Variants in GEMIN4 observed in about 807,000 individuals in gnomAD.
GEMIN4 encodes gem-associated protein 4.
A neutral mutation model predicts 76.8 loss-of-function variants in GEMIN4; 59 were observed. That is an observed-to-expected ratio of 0.77 (90% CI 0.62 to 0.95). GEMIN4 has a LOEUF of 0.95. Ranked by LOEUF, GEMIN4 falls within the 40% of genes least tolerant of loss-of-function variation. The pLI is 0.00. For missense variants in GEMIN4, 1,311 were observed against 1,318.9 expected (o/e 0.99, Z 0.09); for synonymous variants, 562 against 559.7 (o/e 1.00, Z -0.06).
rs1362766314 is a variant in GEMIN4, at chr17:746,262, T to C, written c.1781A>G (p.Gln594Arg). 1.6e-5 allele frequency: 26 copies of C among 1,613,768 alleles called. No individual in the cohort carries two copies. The highest frequency in any genetic ancestry group is 2.2e-5 in the East Asian group (1 of 44,876). The change falls in exon 2 of 2, where the codon CAG becomes CGG. Residue 594 changes from glutamine to arginine, a missense_variant. Physicochemically the swap from Gln to Arg is conservative, Grantham distance 43. Around this residue, in one of 2 missense-constraint regions of GEMIN4, gnomAD observed 1,208 missense variants for 1,166.9 expected, o/e 1.04. Transcript: ENST00000319004. This position sits in a 1 kb window ranked among gnomAD's most constrained non-coding sequence, Gnocchi z 4.3. ...AFPALRFVEE[Q>R]GPNSSATFMV... is the part of the protein sequence containing the mutation. ...GAAAGTGGCAGATGAATTGGGACCCTGCTCTTCCACAAACCTAAGGGCAGG... is the reference window on the plus strand; with the variant it reads ...GAAAGTGGCAGATGAATTGGGACCCCGCTCTTCCACAAACCTAAGGGCAGG...
rs373006908 is a variant in GEMIN4 at position 746,541 on chromosome 17, C to A, written c.1502G>T (p.Gly501Val). ...SLPGKNKVLAGILRSWGRKGL... is the reference protein window; with the variant it reads ...SLPGKNKVLAVILRSWGRKGL... ...CTTTCGCCCCCAGGAACGCAGGATA[C>A]CTGCAAGGACTTTATTTTTACCTGG... Residue 501 changes from glycine to valine, a missense_variant, in exon 2 of 2, where the codon GGT (glycine) becomes GTT (valine). Coordinates refer to ENST00000319004, the MANE Select transcript of GEMIN4 (RefSeq NM_015721.3). This position sits in a 1 kb window ranked among gnomAD's most constrained non-coding sequence, Gnocchi z 4.3. 45 of 1,613,754 alleles carry A rather than the reference C, an allele frequency of 2.8e-5. No individual in the cohort carries two copies. The highest frequency in any genetic ancestry group is 3.7e-5 in the Non-Finnish European group (44 of 1,179,898).
At position 744,743 on chromosome 17, in the gene GEMIN4, C is replaced by T; in HGVS notation, c.*123G>A. On this transcript the variant is annotated 3_prime_UTR_variant, in exon 2 of 2. Transcript: ENST00000319004. The stretch of plus-strand genomic sequence containing the variant: ...GTTTCACATAACTGTAAAGTCCAGG[C>T]TGCTCGGGTCTGACCCCTACAGACC... 1.0e-6 allele frequency: 1 copy of T among 982,240 alleles called. No homozygotes were observed. The highest frequency in any genetic ancestry group is 1.5e-6 in the Non-Finnish European group (1 of 686,136). The allele number at this position is 982,240 out of a possible 1,614,324, so 60.8% of individuals were successfully genotyped here. A position where few individuals can be genotyped will look rare whatever the true frequency, so the allele number is the denominator to read the frequency against.
Position 745,579 on chromosome 17 carries a change from A to G in GEMIN4, c.2464T>C (p.Cys822Arg), listed in dbSNP as rs772077393. The change falls in exon 2 of 2, where the codon TGC (cysteine) becomes CGC (arginine). Residue 822 changes from cysteine (C) to arginine (R), a missense_variant. Cys to Arg is a radical substitution (Grantham distance 180, BLOSUM62 -3). Around this residue, in one of 2 missense-constraint regions of GEMIN4, gnomAD observed 1,208 missense variants for 1,166.9 expected, o/e 1.04. Transcript: ENST00000319004. The surrounding 1 kb of genome is among the most constrained non-coding windows in gnomAD (Gnocchi z 4.6). ...TCCGAGATGCCGCTGGAGACGCAGC[A>G]GCACTCCATCCAGGCCAGGAGCCCC... is the stretch of plus-strand genomic sequence containing the variant. ...GTGLLAWMEC[C>R]CVSSGISERM... 4.3e-6 allele frequency: 7 copies of G among 1,611,832 alleles called. No individual in the cohort carries two copies. Among genetic ancestry groups the G allele is most frequent in the Non-Finnish European group, 5.9e-6 (7 of 1,179,464 alleles).
At chr17:748,947 CGGCCACAGGATAAT>C in intron 1 of GEMIN4, 1 of 167,384 alleles carries the variant, frequency 6.0e-6, no homozygotes, top group African/African-American at 2.8e-5. Context: ...AGCAATCACA[CGGCCACAGGATAAT>C]GGGCACAGAG....
intron 1 of GEMIN4, among the ~76,000 whole-genome samples, chr17:751,005 G>A (rs753717924): frequency 1.3e-5 from 2 of 152,184 alleles, no homozygotes; most frequent in Non-Finnish European, 2.9e-5. Context: ...GCAGATGTTT[G>A]GCCCTAAACA....
In GEMIN4 at chr17:745,031, T is replaced by C; in HGVS notation, c.3012A>G (p.Leu1004=). Residue 1004 remains leucine (L), a synonymous_variant, in exon 2 of 2, where the codon TTA becomes TTG. Coordinates refer to ENST00000319004, the MANE Select transcript of GEMIN4 (RefSeq NM_015721.3). The surrounding 1 kb of genome is among the most constrained non-coding windows in gnomAD (Gnocchi z 4.6). The stretch of plus-strand genomic sequence containing the variant: ...CATAGCAGGTGAGGGTTTCCAAGGC[T>C]AAAACGTAGAGTGGCTCACAGACCT... ...HPEVCEPLYV[L]ALETLTCYET... is the part of the protein sequence containing the mutation. The C allele has an allele frequency of 1.9e-6, 3 of 1,613,878 alleles. No individual in the cohort carries two copies. In the South Asian group the frequency reaches 3.3e-5, roughly 18 times the overall value.
chr17:745,479 AC>A lies in GEMIN4; in HGVS notation c.2563del (p.Val855TrpfsTer21), dbSNP rs1306506359. On this transcript the variant is annotated frameshift_variant, in exon 2 of 2. Coordinates refer to ENST00000319004, the MANE Select transcript of GEMIN4 (RefSeq NM_015721.3). LOFTEE classifies it high-confidence loss of function. The surrounding 1 kb of genome is among the most constrained non-coding windows in gnomAD (Gnocchi z 4.6). ...EVRLFSKGFLVALVQVMPWCS... is the reference protein window; with the variant it reads ...EVRLFSKGFLXALVQVMPWCS... ...CCAAGGCATGACTTGCACCAGGGCC[AC>A]CAGAAAGCCTTTGCTGAACAGTCTG... 1 of 1,612,038 alleles carries A rather than the reference AC, an allele frequency of 6.2e-7. No homozygotes were observed. The highest frequency in any genetic ancestry group is 1.7e-5 in the Admixed American group (1 of 60,002).
rs373114050 is a variant in GEMIN4, at chr17:747,450, T to C, written c.593A>G (p.His198Arg). The C allele has an allele frequency of 3.7e-6, 6 of 1,613,370 alleles. No homozygotes were observed. The African/African-American group carries it at 5.3e-5, about 14-fold the overall frequency. Residue 198 changes from histidine (H) to arginine (R), a missense_variant, in exon 2 of 2, where the codon CAT becomes CGT. By Grantham distance (29) the His-to-Arg change is conservative. Coordinates refer to ENST00000319004, the MANE Select transcript of GEMIN4 (RefSeq NM_015721.3). ...GTCTGACCTAAGCCTCTTTGGAGGATGGGGGAACTCATCTAAGGCAGGCAG... is the reference window on the plus strand; with the variant it reads ...GTCTGACCTAAGCCTCTTTGGAGGACGGGGGAACTCATCTAAGGCAGGCAG... ...KYLPALDEFP[H>R]PPKRLRSDPD...
chr17:751,295 C>A (rs1380496489), intron 1 of GEMIN4, among the ~76,000 whole-genome samples: 2 of 152,196 alleles, frequency 1.3e-5, no homozygotes, highest in Non-Finnish European at 2.9e-5. Context: ...GGTGTCCCAG[C>A]CTGAATGTGG....
chr17:750,812 T>A (rs1472886003), intron 1 of GEMIN4, among the ~76,000 whole-genome samples: 1 of 152,186 alleles, frequency 6.6e-6, no homozygotes, highest in Non-Finnish European at 1.5e-5. Flanking sequence ...AACCCACTTG[T>A]GGAGGCAATC....
In GEMIN4 at chr17:746,027, C is replaced by T. The variant is rs1262276254; in HGVS notation, c.2016G>A (p.Arg672=). ...TTGCCTCTAGAGTCTGGATGAAGAT[C>T]CTCAGACTGAGGTCTACCTCTTCAA... The part of the protein sequence containing the change: ...LDVEEVDLSL[R]IFIQTLEANA... Residue 672 remains arginine, a synonymous_variant, in exon 2 of 2, where the codon AGG becomes AGA. Transcript: ENST00000319004. This position sits in a 1 kb window ranked among gnomAD's most constrained non-coding sequence, Gnocchi z 4.3. The T allele has an allele frequency of 6.2e-7, 1 of 1,613,790 alleles. No individual in the cohort carries two copies. Among genetic ancestry groups the T allele is most frequent in the Non-Finnish European group, 8.5e-7 (1 of 1,179,862 alleles).
chr17:752,371 A>G (rs2251564), upstream of GEMIN4: 51,651 of 1,002,184 alleles, frequency 0.052, 1,892 homozygotes, highest in African/African-American at 0.16. Context: ...CCCTCCCACC[A>G]GCCCTCAGGT....
At position 746,513 on chromosome 17, in the gene GEMIN4, G is replaced by A; in HGVS notation, c.1530C>T (p.Gly510=). 2 of 1,613,948 alleles carry A rather than the reference G, an allele frequency of 1.2e-6. No homozygotes were observed. The highest frequency in any genetic ancestry group is 1.7e-6 in the Non-Finnish European group (2 of 1,179,896). ...AGILRSWGRK[G]LSEKLLAYVE... is the part of the protein sequence containing the mutation. Reference sequence around the variant, plus strand: ...CATAAGCCAGCAACTTTTCAGAGAGGCCCTTTCGCCCCCAGGAACGCAGGA... The same window carrying A: ...CATAAGCCAGCAACTTTTCAGAGAGACCCTTTCGCCCCCAGGAACGCAGGA... Residue 510 remains glycine, a synonymous_variant, in exon 2 of 2, where the codon GGC becomes GGT. Transcript: ENST00000319004. The surrounding 1 kb of genome is among the most constrained non-coding windows in gnomAD (Gnocchi z 4.3).
In GEMIN4 at chr17:747,225, A is replaced by T; in HGVS notation, c.818T>A (p.Ile273Asn). ...TVYLDKLATV[I>N]SVWNSDTQNP... ...CTGGGTGTCCGAGTTCCACACAGAGATCACCGTGGCCAGTTTGTCCAGATA... is the reference window on the plus strand; with the variant it reads ...CTGGGTGTCCGAGTTCCACACAGAGTTCACCGTGGCCAGTTTGTCCAGATA... The change falls in exon 2 of 2, where the codon ATC (isoleucine) becomes AAC (asparagine). Residue 273 changes from isoleucine (I) to asparagine (N), a missense_variant. Transcript: ENST00000319004. 1 of 1,613,758 alleles carries T rather than the reference A, an allele frequency of 6.2e-7. No individual in the cohort carries two copies. Among genetic ancestry groups the T allele is most frequent in the Non-Finnish European group, 8.5e-7 (1 of 1,179,866 alleles).
rs372394762 is a variant in GEMIN4 at position 746,299 on chromosome 17, G to C, written c.1744C>G (p.Leu582Val). ...LGTHKFLAQI[L>V]TAFPALRFVE... ...AACCTAAGGGCAGGGAAGGCAGTGA[G>C]AATCTGGGCCAGGAACTTGTGGGTG... is the stretch of plus-strand genomic sequence containing the variant. The change falls in exon 2 of 2, where the codon CTC becomes GTC. Residue 582 changes from leucine (L) to valine (V), a missense_variant. Physicochemically the swap from Leu to Val is conservative, Grantham distance 32 (BLOSUM62 1). Around this residue, in one of 2 missense-constraint regions of GEMIN4, gnomAD observed 1,208 missense variants for 1,166.9 expected, o/e 1.04. Transcript: ENST00000319004. The surrounding 1 kb of genome is among the most constrained non-coding windows in gnomAD (Gnocchi z 4.3). 1.2e-5 allele frequency: 20 copies of C among 1,613,686 alleles called. No individual in the cohort carries two copies. In the African/African-American group the frequency reaches 2.7e-4, roughly 22 times the overall value.
chr17:752,529 ACCGAGCG>A, upstream of GEMIN4: 5 of 438,840 alleles, frequency 1.1e-5, no homozygotes, highest in Non-Finnish European at 1.6e-5. Flanking sequence ...GTTCACCCCC[ACCGAGCG>A]CCTCCCCCGG....
chr17:746,237 G>C lies in GEMIN4; in HGVS notation c.1806C>G (p.Phe602Leu). Residue 602 changes from phenylalanine to leucine, a missense_variant, in exon 2 of 2, where the codon TTC becomes TTG. Physicochemically the swap from Phe to Leu is conservative, Grantham distance 22. Around this residue, in one of 2 missense-constraint regions of GEMIN4, gnomAD observed 1,208 missense variants for 1,166.9 expected, o/e 1.04. Transcript: ENST00000319004. This position sits in a 1 kb window ranked among gnomAD's most constrained non-coding sequence, Gnocchi z 4.3. ...CGGTTTCTTTGAGGCATGACACCAT[G>C]AAAGTGGCAGATGAATTGGGACCCT... ...EEQGPNSSAT[F>L]MVSCLKETVW... The C allele has an allele frequency of 6.2e-7, 1 of 1,613,810 alleles. No homozygotes were observed. The highest frequency in any genetic ancestry group is 1.1e-5 in the South Asian group (1 of 91,084).
Position 752,214 on chromosome 17 carries a change from C to T in GEMIN4, c.-72G>A. 1 of 1,230,328 alleles carries T rather than the reference C, an allele frequency of 8.1e-7. No individual in the cohort carries two copies. The allele number at this position is 1,230,328 out of a possible 1,614,324, so 76.2% of individuals were successfully genotyped here. A position where few individuals can be genotyped will look rare whatever the true frequency, so the allele number is the denominator to read the frequency against. ...GAGAACTCGAACGCGGCGCGGGACG[C>T]ACGGCACGATGGGAGACGCAGGAGC... On this transcript the variant is annotated 5_prime_UTR_variant, in exon 1 of 2. Coordinates refer to ENST00000319004, the MANE Select transcript of GEMIN4 (RefSeq NM_015721.3).
chr17:748,458 T>A (rs915654610), intron 1 of GEMIN4: 1 of 176,060 alleles, frequency 5.7e-6, no homozygotes, highest in African/African-American at 2.4e-5. Flanking sequence ...GTGAATGAGA[T>A]CCTTCAGGAA....
Sources: gnomAD v4.1 joint callset for allele counts (sites outside exome capture counted in the v4.1 genomes callset) on GRCh38, gnomAD v4.1.1 for gene constraint, gnomAD v4.1.1 regional missense constraint, Gnocchi (gnomAD v3.1) non-coding constraint, MANE v1.5 for transcripts, NCBI Gene and HGNC (gene_info 2026-07-23, HGNC 2026-07-21) for gene names.